SEMA3B: variants seen among roughly 807,000 people sequenced by gnomAD.
SEMA3B encodes the protein semaphorin-3B.
SEMA3B carries 71 observed loss-of-function variants against 77.8 expected under a neutral mutation model. The ratio of observed to expected loss-of-function variants is 0.91; its 90% CI spans 0.75 to 1.11. The LOEUF (loss-of-function observed/expected upper bound fraction) is 1.11, where lower values mean the gene tolerates loss of function less well. SEMA3B is among the 50% of genes most tolerant of loss of function. The pLI, the probability that SEMA3B is intolerant of heterozygous loss-of-function variation, is 0.00. For synonymous variants in SEMA3B, 470 were observed against 452.9 expected (o/e 1.04, Z -0.48); for missense variants, 968 against 1,056.8 (o/e 0.92, Z 1.17).
chr3:50,264,418 T>C (rs1176947721), upstream of SEMA3B, among the ~76,000 whole-genome samples: 1 of 152,156 alleles, frequency 6.6e-6, no homozygotes, highest in Non-Finnish European at 1.5e-5. Flanking sequence ...CCCCACTGTG[T>C]GCCAGACCTG....
chr3:50,266,541 G>A (rs1700901789), upstream of SEMA3B: 1 of 152,260 alleles, frequency 6.6e-6, no homozygotes, highest in Non-Finnish European at 1.5e-5. Flanking sequence ...ATCCAGGGCT[G>A]GGCAACAGAA....
Position 50,276,013 on chromosome 3 carries a change from G to T in SEMA3B, c.1845+169G>T. The T allele has an allele frequency of 1.0e-6, 1 of 1,003,330 alleles. No individual in the cohort carries two copies. The highest frequency in any genetic ancestry group is 1.4e-6 in the Non-Finnish European group (1 of 710,118). 62.2% of individuals were successfully genotyped at this position (1,003,330 alleles called of 1,614,324 possible). ...CTGCTGAGGCCCCATTGCGTCCAACGGGGCTCCCGACCCGCCTCCCCTGAA... is the reference window on the plus strand; with the variant it reads ...CTGCTGAGGCCCCATTGCGTCCAACTGGGCTCCCGACCCGCCTCCCCTGAA... On this transcript the variant is annotated intron_variant, in intron 16 of 16. Coordinates refer to ENST00000616701, the MANE Select transcript of SEMA3B (RefSeq NM_001290060.2). This position sits in a 1 kb window ranked among gnomAD's most constrained non-coding sequence, Gnocchi z 5.8.
Position 50,274,778 on chromosome 3 carries a change from C to A in SEMA3B, c.1358-65C>A. 2 of 1,550,518 alleles carry A rather than the reference C, an allele frequency of 1.3e-6. No individual in the cohort carries two copies. The highest frequency in any genetic ancestry group is 2.3e-5 in the South Asian group (2 of 86,972). On this transcript the variant is annotated intron_variant, in intron 11 of 16. Coordinates refer to ENST00000616701, the MANE Select transcript of SEMA3B (RefSeq NM_001290060.2). This position sits in a 1 kb window ranked among gnomAD's most constrained non-coding sequence, Gnocchi z 4.7. The stretch of plus-strand genomic sequence containing the variant: ...ATGCTGAGGGTAGACGCCTCAAAGG[C>A]GAGGAGACACTAGCCCCAGCTGTCC...
rs55666696 is a variant in SEMA3B at position 50,272,855 on chromosome 3, A to AAAT, written c.665-419_665-417dup. ...TGTCTCAAAAAATAAATAAATAAAC[A>AAAT]AATAATAATAATAATAATAATAATA... On this transcript the variant is annotated intron_variant, in intron 6 of 16. Transcript: ENST00000616701. Among the ~76,000 whole-genome samples the AAAT allele has an allele frequency of 4.2e-3, 617 of 145,580 alleles. 8 individuals carry two copies. The highest frequency in any genetic ancestry group is 0.018 in the Middle Eastern group (5 of 282).
chr3:50,275,262 G>A lies in SEMA3B; in HGVS notation c.1492-40G>A, dbSNP rs782466709. The A allele has an allele frequency of 2.0e-6, 3 of 1,484,238 alleles. No individual in the cohort carries two copies. In the East Asian group the frequency reaches 7.4e-5, roughly 37 times the overall value. 91.9% of individuals were successfully genotyped at this position (1,484,238 alleles called of 1,614,324 possible). A position where few individuals can be genotyped will look rare whatever the true frequency, so the allele number is the denominator to read the frequency against. The stretch of plus-strand genomic sequence containing the variant: ...CCTGACCGATGGGAGGCAGGCGTGG[G>A]GTCGCCCTCGGTCAGCCCAGAGCCC... On this transcript the variant is annotated intron_variant, in intron 13 of 16. Coordinates refer to ENST00000616701, the MANE Select transcript of SEMA3B (RefSeq NM_001290060.2). The surrounding 1 kb of genome is among the most constrained non-coding windows in gnomAD (Gnocchi z 7.5).
Position 50,275,655 on chromosome 3 carries a change from C to A in SEMA3B, c.1705+40C>A. ...TGCCCCTACCCTCAGCCCCAGAAGACGCCCCACCTGCCCTGCCTTGCCTAA... is the reference window on the plus strand; with the variant it reads ...TGCCCCTACCCTCAGCCCCAGAAGAAGCCCCACCTGCCCTGCCTTGCCTAA... On this transcript the variant is annotated intron_variant, in intron 15 of 16. Transcript: ENST00000616701. This position sits in a 1 kb window ranked among gnomAD's most constrained non-coding sequence, Gnocchi z 7.5. 1 of 1,613,394 alleles carries A rather than the reference C, an allele frequency of 6.2e-7. No individual in the cohort carries two copies. Among genetic ancestry groups the A allele is most frequent in the Non-Finnish European group, 8.5e-7 (1 of 1,179,562 alleles).
chr3:50,266,877 C>A (rs1700908339), upstream of SEMA3B: 1 of 152,192 alleles, frequency 6.6e-6, no homozygotes, highest in Non-Finnish European at 1.5e-5. Flanking sequence ...GTTGTTCCTC[C>A]CACCTCCAAC....
Position 50,273,022 on chromosome 3 carries a change from T to G in SEMA3B, c.665-276T>G. ...CCAGCCTAAGGTGCTGGGCGACGTG[T>G]GGGGCGAGATCGGAGGCTAGCCGGG... On this transcript the variant is annotated intron_variant, in intron 6 of 16. Coordinates refer to ENST00000616701, the MANE Select transcript of SEMA3B (RefSeq NM_001290060.2). This position sits in a 1 kb window ranked among gnomAD's most constrained non-coding sequence, Gnocchi z 6.5. 2.2e-6 allele frequency: 1 copy of G among 454,278 alleles called. No individual in the cohort carries two copies. The highest frequency in any genetic ancestry group is 4.0e-6 in the Non-Finnish European group (1 of 252,434). 28.1% of individuals were successfully genotyped at this position (454,278 alleles called of 1,614,324 possible). A position where few individuals can be genotyped will look rare whatever the true frequency, so the allele number is the denominator to read the frequency against.
rs782502220 is a variant in SEMA3B, at chr3:50,275,705, A to G, written c.1706A>G (p.Asp569Gly). ...AATCTGACTTTCTTCTCGCCCCAAG[A>G]CTCGTCTCGTCCCGCGCTGCTGGAA... ...NGDPSTLCSG[D>G]SSRPALLEHK... The change falls in exon 16 of 17, where the codon GAC becomes GGC. Residue 569 changes from aspartate to glycine, a missense_variant and splice_region_variant. Asp to Gly is a moderately conservative substitution (Grantham distance 94). Coordinates refer to ENST00000616701, the MANE Select transcript of SEMA3B (RefSeq NM_001290060.2). The surrounding 1 kb of genome is among the most constrained non-coding windows in gnomAD (Gnocchi z 7.5). 6.2e-7 allele frequency: 1 copy of G among 1,611,538 alleles called. No homozygotes were observed. Among genetic ancestry groups the G allele is most frequent in the South Asian group, 1.1e-5 (1 of 90,924 alleles).
upstream of SEMA3B, among the ~76,000 whole-genome samples, chr3:50,264,209 C>CA (rs1167517681): frequency 4.0e-5 from 6 of 149,370 alleles, no homozygotes; most frequent in African/African-American, 9.9e-5. Context: ...GATCCTGTCT[C>CA]AAAAAAAAGA....
At chr3:50,264,788 C>T (rs1559782052), upstream of SEMA3B, among the ~76,000 whole-genome samples, 1 of 152,240 alleles carries the variant, frequency 6.6e-6, no homozygotes, top group Admixed American at 6.5e-5. Flanking sequence ...CCCCAGCCCC[C>T]TCTCCTCCCA....
chr3:50,264,282 G>A (rs1030977699), upstream of SEMA3B, among the ~76,000 whole-genome samples: 2 of 152,194 alleles, frequency 1.3e-5, no homozygotes, highest in Non-Finnish European at 2.9e-5. Context: ...AGCTGAGCCC[G>A]AGAAGGGGCC....
Position 50,272,855 on chromosome 3 carries a change from AAATAAT to A in SEMA3B, c.665-422_665-417del, listed in dbSNP as rs55666696. Among the ~76,000 whole-genome samples, 9 of 145,584 alleles carry A rather than the reference AAATAAT, an allele frequency of 6.2e-5. No homozygotes were observed. The South Asian group carries it at 1.1e-3, about 17-fold the overall frequency. Reference sequence around the variant, plus strand: ...TGTCTCAAAAAATAAATAAATAAACAAATAATAATAATAATAATAATAATAAAGAGC... The same window carrying A: ...TGTCTCAAAAAATAAATAAATAAACAAATAATAATAATAATAATAAAGAGC... On this transcript the variant is annotated intron_variant, in intron 6 of 16. Coordinates refer to ENST00000616701, the MANE Select transcript of SEMA3B (RefSeq NM_001290060.2).
intron 6 of SEMA3B, among the ~76,000 whole-genome samples, chr3:50,271,915 G>T (rs1267556134): frequency 2.0e-5 from 3 of 152,180 alleles, no homozygotes; most frequent in Admixed American, 2.0e-4. Flanking sequence ...AACAAGCAAA[G>T]GAATAGACTT....
chr3:50,273,708 C>G lies in SEMA3B; in HGVS notation c.923-51C>G, dbSNP rs2109244394. 1 of 1,602,978 alleles carries G rather than the reference C, an allele frequency of 6.2e-7. No homozygotes were observed. The highest frequency in any genetic ancestry group is 2.2e-5 in the East Asian group (1 of 44,792). On this transcript the variant is annotated intron_variant, in intron 8 of 16. Transcript: ENST00000616701. This position sits in a 1 kb window ranked among gnomAD's most constrained non-coding sequence, Gnocchi z 6.5. ...GCAGCGGCGCAGACTCCGGGAGCCC[C>G]CGCCGCAGCGGGGCTGTGCGCCCTA...
At chr3:50,264,588 C>G (rs1265345134), upstream of SEMA3B, among the ~76,000 whole-genome samples, 1 of 152,194 alleles carries the variant, frequency 6.6e-6, no homozygotes, top group Non-Finnish European at 1.5e-5. Flanking sequence ...CAGCCCTCCC[C>G]CAGAGCATTC....
At chr3:50,272,365 A>C (rs1553705503) in intron 6 of SEMA3B, among the ~76,000 whole-genome samples, 3 of 152,146 alleles carry the variant, frequency 2.0e-5, no homozygotes, top group Non-Finnish European at 2.9e-5. Context: ...GCTTGAGGCC[A>C]GGAGTTTGAG....
chr3:50,266,045 G>A (rs111702296), upstream of SEMA3B, among the ~76,000 whole-genome samples: 7 of 152,108 alleles, frequency 4.6e-5, 1 homozygote, highest in East Asian at 1.9e-4. Flanking sequence ...TTCTGATACC[G>A]TTTCCCAGAG....
Position 50,275,569 on chromosome 3 carries a change from G to C in SEMA3B, c.1659G>C (p.Arg553=), listed in dbSNP as rs1244787554. 6.2e-7 allele frequency: 1 copy of C among 1,613,642 alleles called. No homozygotes were observed. Among genetic ancestry groups the C allele is most frequent in the East Asian group, 2.2e-5 (1 of 44,876 alleles). ...CGGATGTTCCCCACAGGCGGTTCCG[G>C]CGGCAAGACGTAAGGAATGGCGACC... The part of the protein sequence containing the change: ...RFQPSAKRRF[R]RQDVRNGDPS... The change falls in exon 15 of 17, where the codon CGG becomes CGC. Residue 553 remains arginine (R), a synonymous_variant. Coordinates refer to ENST00000616701, the MANE Select transcript of SEMA3B (RefSeq NM_001290060.2). This position sits in a 1 kb window ranked among gnomAD's most constrained non-coding sequence, Gnocchi z 7.5.
Sources: allele counts gnomAD v4.1 joint callset (sites outside exome capture counted in the v4.1 genomes callset), GRCh38; gene constraint gnomAD v4.1.1; non-coding constraint Gnocchi (gnomAD v3.1); transcripts MANE v1.5; gene names NCBI Gene and HGNC (gene_info 2026-07-23, HGNC 2026-07-21).